Variants in CLYBL observed in about 807,000 individuals in gnomAD.
CLYBL encodes citramalyl-CoA lyase, mitochondrial.
In CLYBL, 31 loss-of-function variants were observed where a neutral mutation model predicts 38.9. The ratio of observed to expected loss-of-function variants is 0.80; its 90% CI spans 0.60 to 1.08. CLYBL has a LOEUF of 1.08. Ranked by LOEUF, CLYBL falls within the 50% of genes least tolerant of loss-of-function variation. CLYBL has a pLI of 0.00. For synonymous variants in CLYBL, 171 were observed against 158.6 expected, an observed-to-expected ratio of 1.08 and a Z score of -0.59; for missense variants, 434 against 411.6, an observed-to-expected ratio of 1.05 and a Z score of -0.47.
chr13:99,788,150 G>A (rs564923340), intron 2 of CLYBL, among the ~76,000 whole-genome samples: 54 of 152,298 alleles, frequency 3.5e-4, no homozygotes, highest in Middle Eastern at 3.4e-3. Context: ...TGCAAACAGG[G>A]ACAATTTGAC....
intron 1 of CLYBL, among the ~76,000 whole-genome samples, chr13:99,758,184 T>C (rs1430585328): frequency 6.6e-6 from 1 of 152,192 alleles, no homozygotes; most frequent in African/African-American, 2.4e-5. Context: ...CAGGTGACTA[T>C]TATATTGAAT....
At chr13:99,680,218 T>C (rs1354281706) in intron 1 of CLYBL, among the ~76,000 whole-genome samples, 1 of 152,232 alleles carries the variant, frequency 6.6e-6, no homozygotes, top group Non-Finnish European at 1.5e-5. Context: ...GGTTAGTATC[T>C]GACACCCATT....
chr13:99,893,763 G>A (rs2052534557), downstream of CLYBL: 1 of 152,248 alleles, frequency 6.6e-6, no homozygotes, highest in African/African-American at 2.4e-5. Flanking sequence ...TACAGACCTG[G>A]GGAAAAGCAG....
chr13:99,761,270 G>A (rs912964984), intron 1 of CLYBL, among the ~76,000 whole-genome samples: 8 of 152,288 alleles, frequency 5.3e-5, no homozygotes, highest in Admixed American at 2.0e-4. Context: ...GGAGAATGGC[G>A]TGAACCGGGG....
At chr13:99,720,402 T>C (rs559656042) in intron 1 of CLYBL, among the ~76,000 whole-genome samples, 1 of 152,322 alleles carries the variant, frequency 6.6e-6, no homozygotes, top group Admixed American at 6.5e-5. Flanking sequence ...TTGTTTTAAA[T>C]GAGACAACAT....
chr13:99,739,410 C>T (rs1190355895), intron 1 of CLYBL, among the ~76,000 whole-genome samples: 1 of 152,154 alleles, frequency 6.6e-6, no homozygotes, highest in Non-Finnish European at 1.5e-5. Flanking sequence ...TCGCGTTCTG[C>T]CTACTGTTTT....
intron 1 of CLYBL, among the ~76,000 whole-genome samples, chr13:99,716,200 T>A (rs1199493957): frequency 8.8e-6 from 1 of 113,790 alleles, no homozygotes; most frequent in Admixed American, 9.3e-5. Flanking sequence ...TTTTTTTTTT[T>A]TTTTTTTAGA....
intron 1 of CLYBL, among the ~76,000 whole-genome samples, chr13:99,637,592 C>T (rs965621565): frequency 6.6e-6 from 1 of 152,098 alleles, no homozygotes; most frequent in Non-Finnish European, 1.5e-5. Context: ...GAAACCCTGT[C>T]TTTACTAAAA....
intron 7 of CLYBL, among the ~76,000 whole-genome samples, chr13:99,885,500 G>A (rs924825098): frequency 3.9e-5 from 6 of 152,130 alleles, no homozygotes; most frequent in African/African-American, 1.4e-4. Context: ...AGAAAACCAT[G>A]GCAGGGTTAA....
intron 2 of CLYBL, among the ~76,000 whole-genome samples, chr13:99,831,990 G>A (rs1278961134): frequency 6.6e-6 from 1 of 152,188 alleles, no homozygotes; most frequent in Non-Finnish European, 1.5e-5. Flanking sequence ...TGTCTCAATA[G>A]ATCTTTTGAT....
chr13:99,748,186 C>G (rs1233633449), intron 1 of CLYBL, among the ~76,000 whole-genome samples: 7 of 151,990 alleles, frequency 4.6e-5, no homozygotes, highest in Admixed American at 3.9e-4. Flanking sequence ...TCGAGACCAG[C>G]GTGGCCAACA....
At chr13:99,733,198 A>G (rs1246632215) in intron 1 of CLYBL, among the ~76,000 whole-genome samples, 1 of 152,122 alleles carries the variant, frequency 6.6e-6, no homozygotes, top group African/African-American at 2.4e-5. Context: ...ATGTGATCAG[A>G]GATTTATATT....
intron 1 of CLYBL, among the ~76,000 whole-genome samples, chr13:99,611,650 G>A (rs1039764014): frequency 9.2e-5 from 14 of 152,226 alleles, no homozygotes; most frequent in African/African-American, 3.4e-4. Context: ...CATAGGATGT[G>A]TTGGAGAGTT....
chr13:99,658,130 G>A (rs1054475393), intron 1 of CLYBL, among the ~76,000 whole-genome samples: 4 of 152,342 alleles, frequency 2.6e-5, no homozygotes, highest in African/African-American at 7.2e-5. Flanking sequence ...TTCGATGTGC[G>A]AGCAGAAGGC....
intron 1 of CLYBL, among the ~76,000 whole-genome samples, chr13:99,760,218 CT>C (rs879338181): frequency 6.6e-6 from 1 of 152,106 alleles, no homozygotes; most frequent in Non-Finnish European, 1.5e-5. Context: ...TTTTCTTAGC[CT>C]ACTAGCTAAA....
At chr13:99,859,704 C>G (rs1358055771) in intron 3 of CLYBL, among the ~76,000 whole-genome samples, 1 of 152,138 alleles carries the variant, frequency 6.6e-6, no homozygotes, top group Non-Finnish European at 1.5e-5. Context: ...GTTGGCATGT[C>G]AAATTACTTA....
At chr13:99,612,386 CTTT>C (rs56097059) in intron 1 of CLYBL, among the ~76,000 whole-genome samples, 5 of 112,342 alleles carry the variant, frequency 4.5e-5, no homozygotes, top group Admixed American at 4.4e-4. Context: ...GACCTTTCTA[CTTT>C]TTTTTTTTTT....
chr13:99,716,787 C>CTTTTTTTT (rs1260332084), intron 1 of CLYBL, among the ~76,000 whole-genome samples: 62 of 100,892 alleles, frequency 6.1e-4, no homozygotes, highest in Non-Finnish European at 1.0e-3. Flanking sequence ...CTTTTCTTTT[C>CTTTTTTTT]TTTTTTTTTT....
At chr13:99,611,828 A>G (rs2046631072) in intron 1 of CLYBL, among the ~76,000 whole-genome samples, 1 of 152,172 alleles carries the variant, frequency 6.6e-6, no homozygotes, top group Non-Finnish European at 1.5e-5. Context: ...AAGCTTTGGT[A>G]GTTTGTATCT....
Sources: gnomAD v4.1 joint callset for allele counts (sites outside exome capture counted in the v4.1 genomes callset) on GRCh38, gnomAD v4.1.1 for gene constraint, MANE v1.5 for transcripts, NCBI Gene and HGNC (gene_info 2026-07-23, HGNC 2026-07-21) for gene names.